SLC25A17: variants seen among roughly 807,000 people sequenced by gnomAD.
The protein encoded by SLC25A17 is peroxisomal membrane protein PMP34.
Under a neutral mutation model 38.5 loss-of-function variants are expected in SLC25A17, and 26 were observed. The ratio of observed to expected loss-of-function variants is 0.68; its 90% CI spans 0.50 to 0.94. The LOEUF is 0.94. Ranked by LOEUF, SLC25A17 falls within the 40% of genes least tolerant of loss-of-function variation. The probability of loss-of-function intolerance (pLI) is 0.00; values close to 1 mark genes in which losing one functional copy is unlikely to be tolerated. For missense variants in SLC25A17, 333 were observed against 372.7 expected (o/e 0.89, Z 0.88); for synonymous variants, 139 against 136.2 (o/e 1.02, Z -0.14).
chr22:40,805,451 A>G (rs58352648), intron 1 of SLC25A17, among the ~76,000 whole-genome samples: 4,486 of 152,304 alleles, frequency 0.029, 217 homozygotes, highest in African/African-American at 0.1. Flanking sequence ...GATGGGATAA[A>G]AAGCCACTAG....
At chr22:40,804,313 G>C (rs1263244409) in intron 1 of SLC25A17, among the ~76,000 whole-genome samples, 1 of 152,072 alleles carries the variant, frequency 6.6e-6, no homozygotes, top group Non-Finnish European at 1.5e-5. Flanking sequence ...GGGGCTCGCT[G>C]GTACCTAGAT....
chr22:40,789,164 C>T lies in SLC25A17; in HGVS notation c.334+3361G>A, dbSNP rs1026452091. On this transcript the variant is annotated intron_variant, in intron 4 of 8. Coordinates refer to ENST00000435456, the MANE Select transcript of SLC25A17 (RefSeq NM_006358.4). The surrounding 1 kb of genome is among the most constrained non-coding windows in gnomAD (Gnocchi z 4.5). The stretch of plus-strand genomic sequence containing the variant: ...TCTACCACTTGCTCAGGAAAATTAG[C>T]TGTGGGGGATGCCCAGCTGCTTGTA... The T allele has an allele frequency of 1.8e-4, 48 of 261,678 alleles. No individual in the cohort carries two copies. Among genetic ancestry groups the T allele is most frequent in the Non-Finnish European group, 3.6e-4 (47 of 129,048 alleles). The allele number at this position is 261,678 out of a possible 1,614,324, so 16.2% of individuals were successfully genotyped here.
intron 4 of SLC25A17, chr22:40,779,936 T>C (rs935975537): frequency 3.3e-5 from 5 of 152,428 alleles, no homozygotes; most frequent in African/African-American, 1.2e-4. Context: ...ATTGTAACAA[T>C]GTGCCTGACA....
intron 8 of SLC25A17, among the ~76,000 whole-genome samples, chr22:40,772,354 G>C (rs564241867): frequency 6.6e-6 from 1 of 152,086 alleles, no homozygotes; most frequent in Non-Finnish European, 1.5e-5. Context: ...GCTCAGGCTA[G>C]AGTGCAGTGG....
intron 1 of SLC25A17, among the ~76,000 whole-genome samples, chr22:40,811,328 T>A (rs1221437804): frequency 6.6e-6 from 1 of 151,852 alleles, no homozygotes; most frequent in Non-Finnish European, 1.5e-5. Flanking sequence ...TGGCCTCGAG[T>A]GATCTACCCG....
rs761996013 is a variant in SLC25A17, at chr22:40,777,251, G to GC, written c.573dup (p.Gln192AlafsTer45). 9 of 1,613,876 alleles carry GC rather than the reference G, an allele frequency of 5.6e-6. No homozygotes were observed. The highest frequency in any genetic ancestry group is 7.6e-6 in the Non-Finnish European group (9 of 1,179,904). On this transcript the variant is annotated frameshift_variant, in exon 6 of 9. Transcript: ENST00000435456. LOFTEE classifies it high-confidence loss of function. ...ACCTTCATCCGTTTCTTTAAAAGCT[G>GC]CCGTTTTAAACCTTCATAAAACATG...
chr22:40,774,032 G>T lies in SLC25A17; in HGVS notation c.694-13C>A. ...TATGACGCCCAAACTGAGGAAAGAG[G>T]GAAAAAAAACAAAAGTACTGTTGCT... On this transcript the variant is annotated splice_polypyrimidine_tract_variant and intron_variant, in intron 7 of 8. Coordinates refer to ENST00000435456, the MANE Select transcript of SLC25A17 (RefSeq NM_006358.4). The T allele has an allele frequency of 6.3e-7, 1 of 1,584,850 alleles. No individual in the cohort carries two copies. The highest frequency in any genetic ancestry group is 1.1e-5 in the South Asian group (1 of 89,026).
chr22:40,797,297 C>A (rs919509919), intron 2 of SLC25A17: 3 of 1,297,888 alleles, frequency 2.3e-6, no homozygotes, highest in African/African-American at 1.5e-5. Context: ...TCTCTTCATG[C>A]AAGTTCTGGC....
intron 4 of SLC25A17, among the ~76,000 whole-genome samples, chr22:40,782,089 G>A (rs1187179972): frequency 3.3e-5 from 5 of 152,038 alleles, no homozygotes; most frequent in Admixed American, 6.6e-5. Flanking sequence ...GCACGGTGGC[G>A]GGCGCCTGTA....
chr22:40,794,461 C>T, intron 3 of SLC25A17, 53 bp downstream of exon 3: 1 of 1,075,244 alleles, frequency 9.3e-7, no homozygotes, highest in South Asian at 1.3e-5. Flanking sequence ...ACTGGAAGCA[C>T]AGGAATCTCC....
rs530192744 is a variant in SLC25A17, at chr22:40,793,761, C to T, written c.182+753G>A. On this transcript the variant is annotated intron_variant, in intron 3 of 8. Transcript: ENST00000435456. ...CTTAGTAGCTGGGATTGTAGGCATG[C>T]GCTACCACGCCCGGCTAATTTTGTA... 9.3e-4 allele frequency among the ~76,000 whole-genome samples: 141 copies of T among 152,172 alleles called. No individual in the cohort carries two copies. The Middle Eastern group carries it at 0.017, about 18-fold the overall frequency.
rs964898959 is a variant in SLC25A17 at position 40,819,316 on chromosome 22, G to C, written c.-68C>G. The stretch of plus-strand genomic sequence containing the variant: ...TGCCGCAGCCAGTGGAGTTAGGAAA[G>C]GAGCACCGGAGCTCAGGGTGTGAGA... On this transcript the variant is annotated 5_prime_UTR_variant, in exon 1 of 9. Transcript: ENST00000435456. The C allele has an allele frequency of 2.0e-6, 3 of 1,536,532 alleles. No individual in the cohort carries two copies. Among genetic ancestry groups the C allele is most frequent in the South Asian group, 2.3e-5 (2 of 88,866 alleles).
rs1160081781 is a variant in SLC25A17 at position 40,770,354 on chromosome 22, C to T, written c.*480G>A. On this transcript the variant is annotated 3_prime_UTR_variant, in exon 9 of 9. Coordinates refer to ENST00000435456, the MANE Select transcript of SLC25A17 (RefSeq NM_006358.4). ...AGCCCAACAAAAATAAAGTCATGCC[C>T]GTGGCACAGCCCTAATGTTAGTTTT... The T allele has an allele frequency of 6.6e-6, 1 of 152,116 alleles. No homozygotes were observed. Among genetic ancestry groups the T allele is most frequent in the Non-Finnish European group, 1.5e-5 (1 of 68,040 alleles). The allele number at this position is 152,116 out of a possible 1,614,324, so 9.4% of individuals were successfully genotyped here. A position where few individuals can be genotyped will look rare whatever the true frequency, so the allele number is the denominator to read the frequency against.
intron 8 of SLC25A17, among the ~76,000 whole-genome samples, chr22:40,773,531 TATCATCATC>T (rs924905517): frequency 5.9e-4 from 89 of 152,042 alleles, no homozygotes; most frequent in African/African-American, 2.1e-3. Context: ...CCATCATCAT[TATCATCATC>T]ATCATCACTA....
At chr22:40,804,514 A>C (rs1369321935) in intron 1 of SLC25A17, among the ~76,000 whole-genome samples, 1 of 152,034 alleles carries the variant, frequency 6.6e-6, no homozygotes, top group Non-Finnish European at 1.5e-5. Context: ...CTTTTGAGAA[A>C]TGTCTATTCA....
chr22:40,787,232 G>A (rs1206535148), intron 4 of SLC25A17, among the ~76,000 whole-genome samples: 1 of 152,190 alleles, frequency 6.6e-6, no homozygotes, highest in Non-Finnish European at 1.5e-5. Flanking sequence ...ACTGTTGTCA[G>A]ACAGACCACA....
Position 40,777,276 on chromosome 22 carries a change from G to T in SLC25A17, c.549C>A (p.Phe183Leu). 3 of 1,614,184 alleles carry T rather than the reference G, an allele frequency of 1.9e-6. No individual in the cohort carries two copies. The highest frequency in any genetic ancestry group is 8.5e-7 in the Non-Finnish European group (1 of 1,180,002). The change falls in exon 6 of 9, where the codon TTC becomes TTA. Residue 183 changes from phenylalanine (F) to leucine (L), a missense_variant. Transcript: ENST00000435456. Reference sequence around the variant, plus strand: ...GCCGTTTTAAACCTTCATAAAACATGAACTGGATGGCAGGATTGAAGACCA... The same window carrying T: ...GCCGTTTTAAACCTTCATAAAACATTAACTGGATGGCAGGATTGAAGACCA... ...LLLVFNPAIQ[F>L]MFYEGLKRQL...
chr22:40,774,014 C>G lies in SLC25A17; in HGVS notation c.699G>C (p.Gly233=), dbSNP rs552042835. 103 of 1,608,870 alleles carry G rather than the reference C, an allele frequency of 6.4e-5. No individual in the cohort carries two copies. The South Asian group carries it at 1.0e-3, about 16-fold the overall frequency. ...LQTVQSILRF[G]RHRLNPENRT... is the part of the protein sequence containing the mutation. ...TGTTTTCTGGGTTTAGTCTATGACG[C>G]CCAAACTGAGGAAAGAGGGAAAAAA... The change falls in exon 8 of 9, where the codon GGG becomes GGC. Residue 233 remains glycine (G), a synonymous_variant. Transcript: ENST00000435456.
At chr22:40,813,140 T>C (rs1044016080) in intron 1 of SLC25A17, among the ~76,000 whole-genome samples, 3 of 152,178 alleles carry the variant, frequency 2.0e-5, no homozygotes, top group African/African-American at 4.8e-5. Flanking sequence ...GTCCCAAGTA[T>C]AGTATATATT....
Sources: allele counts gnomAD v4.1 joint callset (sites outside exome capture counted in the v4.1 genomes callset), GRCh38; gene constraint gnomAD v4.1.1; non-coding constraint Gnocchi (gnomAD v3.1); transcripts MANE v1.5; gene names NCBI Gene and HGNC (gene_info 2026-07-23, HGNC 2026-07-21).